LAMB4: variants seen among roughly 807,000 people sequenced by gnomAD.
The protein encoded by LAMB4 is laminin subunit beta 4, also known as laminin subunit beta-4.
Under a neutral mutation model 199.2 loss-of-function variants are expected in LAMB4, and 196 were observed. The ratio of observed to expected loss-of-function variants is 0.98; its 90% CI spans 0.88 to 1.11. LAMB4 has a LOEUF of 1.11. Ranked by LOEUF, LAMB4 falls within the 50% of genes least tolerant of loss-of-function variation. The probability of loss-of-function intolerance (pLI) is 0.00; values close to 1 mark genes in which losing one functional copy is unlikely to be tolerated. For missense variants in LAMB4, 2,080 were observed against 2,171.2 expected, an observed-to-expected ratio of 0.96 and a Z score of 0.83; for synonymous variants, 744 against 770.6, an observed-to-expected ratio of 0.97 and a Z score of 0.57.
chr7:108,049,415 T>C lies in LAMB4; in HGVS notation c.4033A>G (p.Ile1345Val). The change falls in exon 27 of 34, where the codon ATC (isoleucine) becomes GTC (valine). Residue 1345 changes from isoleucine (I) to valine (V), a missense_variant. Coordinates refer to ENST00000388781, the MANE Select transcript of LAMB4 (RefSeq NM_007356.3). Reference sequence around the variant, plus strand: ...CCTTTTGAGGTTAGTGTATCTAAGATGGTAAGTAAGTCATTCCTTGTATTT... The same window carrying C: ...CCTTTTGAGGTTAGTGTATCTAAGACGGTAAGTAAGTCATTCCTTGTATTT... Reference protein sequence around the residue: ...SANTRNDLLTILDTLTSKGNL... With the variant: ...SANTRNDLLTVLDTLTSKGNL... 2.5e-6 allele frequency: 4 copies of C among 1,594,694 alleles called. No individual in the cohort carries two copies. The highest frequency in any genetic ancestry group is 2.6e-6 in the Non-Finnish European group (3 of 1,163,762).
At chr7:108,103,260 G>A (rs2037881538) in intron 9 of LAMB4, 28 bp from the exon 10 acceptor site, 1 of 1,517,720 alleles carries the variant, frequency 6.6e-7, no homozygotes, top group East Asian at 2.5e-5. Context: ...TGACTGAGAG[G>A]TAGACTAAGG....
chr7:108,126,768 C>T (rs1322288005), intron 1 of LAMB4, among the ~76,000 whole-genome samples: 1 of 150,206 alleles, frequency 6.7e-6, no homozygotes, highest in African/African-American at 2.5e-5. Flanking sequence ...CGGGGTTTCA[C>T]CTTGTTAGCC....
chr7:108,098,753 A>T (rs527309128), intron 10 of LAMB4, among the ~76,000 whole-genome samples, 171 bp from the exon 11 acceptor site: 243 of 152,370 alleles, frequency 1.6e-3, no homozygotes, highest in Middle Eastern at 3.4e-3. Flanking sequence ...CCAGATCTCT[A>T]GCCTTGGAAA....
Position 108,055,804 on chromosome 7 carries a change from C to T in LAMB4, c.3583G>A (p.Gly1195Arg), listed in dbSNP as rs2035963353. Residue 1195 changes from glycine (G) to arginine (R), a missense_variant, in exon 25 of 34, where the codon GGG (glycine) becomes AGG (arginine). Physicochemically the swap from Gly to Arg is moderately radical, Grantham distance 125. Coordinates refer to ENST00000388781, the MANE Select transcript of LAMB4 (RefSeq NM_007356.3). ...ATGTTAGCAGCCAGTCTCATTAACCCTTGCACCGCTTTGGAGAGGGAAGAA... is the reference window on the plus strand; with the variant it reads ...ATGTTAGCAGCCAGTCTCATTAACCTTTGCACCGCTTTGGAGAGGGAAGAA... ...TISSLSKAVQ[G>R]LMRLAANMED... The T allele has an allele frequency of 1.2e-6, 2 of 1,614,078 alleles. No individual in the cohort carries two copies. The highest frequency in any genetic ancestry group is 2.2e-5 in the South Asian group (2 of 91,074).
At chr7:108,015,714 C>G in the LAMB4 span, among the ~76,000 whole-genome samples, 1 of 147,390 alleles carries the variant, frequency 6.8e-6, no homozygotes, top group Non-Finnish European at 1.5e-5. Context: ...ATATGTAGTC[C>G]TATTTTTAAA....
chr7:108,013,865 C>G, the LAMB4 span, among the ~76,000 whole-genome samples: 5 of 152,060 alleles, frequency 3.3e-5, no homozygotes, highest in East Asian at 1.9e-4. Flanking sequence ...GAGTACCAAA[C>G]AGTTACTTAC....
chr7:108,103,027 C>G lies in LAMB4; in HGVS notation c.1180+17G>C. 1.3e-6 allele frequency: 2 copies of G among 1,549,128 alleles called. No homozygotes were observed. The stretch of plus-strand genomic sequence containing the variant: ...GCTCAGACAGTGGGTAGGATCCAGG[C>G]AGACCCGGGGACTCACGAATGCACG... On this transcript the variant is annotated intron_variant, in intron 10 of 33. Coordinates refer to ENST00000388781, the MANE Select transcript of LAMB4 (RefSeq NM_007356.3).
Position 108,048,006 on chromosome 7 carries a change from C to T in LAMB4, c.4228G>A (p.Gly1410Ser), listed in dbSNP as rs895253540. 11 of 1,614,044 alleles carry T rather than the reference C, an allele frequency of 6.8e-6. No homozygotes were observed. The African/African-American group carries it at 8.0e-5, about 12-fold the overall frequency. The change falls in exon 28 of 34, where the codon GGC (glycine) becomes AGC (serine). Residue 1410 changes from glycine (G) to serine (S), a missense_variant. Coordinates refer to ENST00000388781, the MANE Select transcript of LAMB4 (RefSeq NM_007356.3). ...GCATTCGTTGAGAGGGTCAGGGAGCCGTGACAGCCGGGACCCCTACACTTC... is the reference window on the plus strand; with the variant it reads ...GCATTCGTTGAGAGGGTCAGGGAGCTGTGACAGCCGGGACCCCTACACTTC... ...HRKCRGPGCH[G>S]SLTLSTNALQ...
chr7:108,066,232 G>A, intron 20 of LAMB4, 137 bp downstream of exon 20: 2 of 681,420 alleles, frequency 2.9e-6, no homozygotes, highest in Middle Eastern at 3.3e-4. Context: ...GGGTGAGAAA[G>A]CAATGCTCTC....
rs778555497 is a variant in LAMB4, at chr7:108,116,027, AT to A, written c.168del (p.Lys56AsnfsTer39). On this transcript the variant is annotated frameshift_variant, in exon 3 of 34. Coordinates refer to ENST00000388781, the MANE Select transcript of LAMB4 (RefSeq NM_007356.3). LOFTEE classifies it high-confidence loss of function. ...SSTCGLSRAQ[K>X]YCILSYLEGE... ...ACCTCCAGGTAACTGAGGATGCAGT[AT>A]TTCTGGGCTCTGCTCAGCCCACAGG... 5 of 1,613,592 alleles carry A rather than the reference AT, an allele frequency of 3.1e-6. No individual in the cohort carries two copies. The East Asian group carries it at 1.1e-4, about 36-fold the overall frequency.
chr7:108,043,832 A>T lies in LAMB4; in HGVS notation c.4391T>A (p.Leu1464Gln), dbSNP rs771643264. ...KNNALQLREK[L>Q]GNIRNQSDSE... ...GTCACTTTGGTTTCTTATATTTCCC[A>T]GTTTTTCCCTCAGCTGTAAGGCATT... is the stretch of plus-strand genomic sequence containing the variant. The change falls in exon 29 of 34, where the codon CTG (leucine) becomes CAG (glutamine). Residue 1464 changes from leucine (L) to glutamine (Q), a missense_variant. Transcript: ENST00000388781. 1 of 1,609,612 alleles carries T rather than the reference A, an allele frequency of 6.2e-7. No homozygotes were observed. Among genetic ancestry groups the T allele is most frequent in the Non-Finnish European group, 8.5e-7 (1 of 1,177,772 alleles).
chr7:108,032,107 T>A (rs1244791864), intron 31 of LAMB4, among the ~76,000 whole-genome samples: 5 of 152,206 alleles, frequency 3.3e-5, no homozygotes, highest in Admixed American at 1.3e-4. Flanking sequence ...AGGCAATTTG[T>A]GGCTGGGCAC....
chr7:108,104,669 C>A (rs573854804), intron 8 of LAMB4, 50 bp from the exon 9 acceptor site: 2 of 1,586,752 alleles, frequency 1.3e-6, no homozygotes, highest in South Asian at 2.3e-5. Flanking sequence ...TCCTTGGGGA[C>A]GTTGGGGTTC....
At position 108,030,800 on chromosome 7, in the gene LAMB4, A is replaced by G; in HGVS notation, c.4992+6T>C. 2 of 1,613,568 alleles carry G rather than the reference A, an allele frequency of 1.2e-6. No individual in the cohort carries two copies. The highest frequency in any genetic ancestry group is 2.2e-5 in the East Asian group (1 of 44,878). On this transcript the variant is annotated splice_donor_region_variant and intron_variant, in intron 32 of 33. Transcript: ENST00000388781. ...TGCTCTTGGTGGCAGTGGTAGAACT[A>G]ATGACCTTCTCAAGACTCCCAGCCT...
intron 26 of LAMB4, among the ~76,000 whole-genome samples, chr7:108,050,740 G>A (rs899306239): frequency 2.6e-5 from 4 of 152,106 alleles, no homozygotes; most frequent in Non-Finnish European, 4.4e-5. Flanking sequence ...TGAAAAAAGT[G>A]TTCCTATTGC....
chr7:108,093,781 T>A (rs1487607249), intron 12 of LAMB4, among the ~76,000 whole-genome samples: 1 of 152,260 alleles, frequency 6.6e-6, no homozygotes, highest in African/African-American at 2.4e-5. Context: ...AATGGTCTTG[T>A]TAAGCATCCA....
chr7:108,115,963 A>T (rs774460847), intron 3 of LAMB4, 41 bp downstream of exon 3: 1 of 1,591,680 alleles, frequency 6.3e-7, no homozygotes, highest in Non-Finnish European at 8.6e-7. Flanking sequence ...TACATCATTG[A>T]TTAAATAATG....
intron 7 of LAMB4, 128 bp downstream of exon 7, chr7:108,106,381 G>C (rs978665285): frequency 5.6e-5 from 36 of 645,518 alleles, no homozygotes; most frequent in Non-Finnish European, 9.0e-5. Context: ...TCACACCACT[G>C]CACTCCAGCC....
At chr7:108,120,920 A>G (rs548004480) in intron 2 of LAMB4, among the ~76,000 whole-genome samples, 1 of 152,198 alleles carries the variant, frequency 6.6e-6, no homozygotes, top group Non-Finnish European at 1.5e-5. Flanking sequence ...GGACTTAGGG[A>G]AATTTAACTA....
Sources: allele counts gnomAD v4.1 joint callset (sites outside exome capture counted in the v4.1 genomes callset), GRCh38; gene constraint gnomAD v4.1.1; transcripts MANE v1.5; gene names NCBI Gene and HGNC (gene_info 2026-07-23, HGNC 2026-07-21).